SLC25A13: variants seen among roughly 807,000 people sequenced by gnomAD.
The protein encoded by SLC25A13 is electrogenic aspartate/glutamate antiporter SLC25A13, mitochondrial.
A neutral mutation model predicts 85.5 loss-of-function variants in SLC25A13; 70 were observed. That is an observed-to-expected ratio of 0.82 (90% confidence interval 0.68 to 1.00). The LOEUF is 1.00. Ranked by LOEUF, SLC25A13 falls within the 50% of genes least tolerant of loss-of-function variation. SLC25A13 has a pLI of 0.00. For missense variants in SLC25A13, 765 were observed against 819.8 expected, an observed-to-expected ratio of 0.93 and a Z score of 0.82; for synonymous variants, 259 against 288.7, an observed-to-expected ratio of 0.90 and a Z score of 1.04.
intron 2 of SLC25A13, among the ~76,000 whole-genome samples, chr7:96,277,882 A>C (rs979530782): frequency 1.3e-5 from 2 of 152,042 alleles, no homozygotes; most frequent in African/African-American, 4.8e-5. Flanking sequence ...AAGAGCATCA[A>C]TGATACAAGA....
intron 1 of SLC25A13, among the ~76,000 whole-genome samples, chr7:96,314,913 G>C (rs965674270): frequency 2.0e-5 from 3 of 152,122 alleles, no homozygotes; most frequent in Non-Finnish European, 4.4e-5. Context: ...ACCTAAGCCA[G>C]GGAACACTGG....
At chr7:96,320,806 C>T (rs571065626) in intron 1 of SLC25A13, among the ~76,000 whole-genome samples, 2 of 152,150 alleles carry the variant, frequency 1.3e-5, no homozygotes, top group African/African-American at 2.4e-5. Context: ...AGTCATAGAA[C>T]AGCATTTAAA....
intron 6 of SLC25A13, 119 bp from the exon 7 acceptor site, chr7:96,191,366 T>C (rs1794843289): frequency 9.4e-7 from 1 of 1,061,960 alleles, no homozygotes; most frequent in Non-Finnish European, 1.4e-6. Context: ...CAAGAAGAAA[T>C]GACTATAAGT....
chr7:96,266,501 T>C (rs1323443836), intron 3 of SLC25A13, among the ~76,000 whole-genome samples: 4 of 152,024 alleles, frequency 2.6e-5, no homozygotes, highest in South Asian at 2.1e-4. Flanking sequence ...AAGGCTTGGA[T>C]TGGTAAGCAA....
chr7:96,304,901 T>C (rs1015758367), intron 1 of SLC25A13, among the ~76,000 whole-genome samples: 4 of 152,212 alleles, frequency 2.6e-5, no homozygotes, highest in African/African-American at 9.6e-5. Flanking sequence ...ATACATGCTA[T>C]CATAAGGCAG....
intron 14 of SLC25A13, among the ~76,000 whole-genome samples, chr7:96,143,595 G>A (rs534935358): frequency 6.6e-6 from 1 of 152,180 alleles, no homozygotes; most frequent in African/African-American, 2.4e-5. Flanking sequence ...TATTTACATT[G>A]TTTACTATAT....
intron 15 of SLC25A13, among the ~76,000 whole-genome samples, 183 bp from the exon 16 acceptor site, chr7:96,122,180 A>G (rs1290565227): frequency 6.6e-6 from 1 of 151,564 alleles, no homozygotes; most frequent in Non-Finnish European, 1.5e-5. Flanking sequence ...CTGCTCCTAC[A>G]CCCCTCCCCA....
chr7:96,148,545 C>T (rs1339242672), intron 13 of SLC25A13, among the ~76,000 whole-genome samples: 1 of 152,054 alleles, frequency 6.6e-6, no homozygotes, highest in Non-Finnish European at 1.5e-5. Flanking sequence ...TGTTTCTGAA[C>T]CAGAACTCTT....
At chr7:96,289,317 GC>G (rs1799020164) in intron 2 of SLC25A13, among the ~76,000 whole-genome samples, 1 of 152,186 alleles carries the variant, frequency 6.6e-6, no homozygotes, top group African/African-American at 2.4e-5. Context: ...AAAAAACAGA[GC>G]AGAAAAGCTG....
intron 2 of SLC25A13, chr7:96,283,491 G>A (rs1040089809): frequency 4.8e-6 from 2 of 419,956 alleles, no homozygotes; most frequent in African/African-American, 2.0e-5. Flanking sequence ...TTAAGGGAAT[G>A]AGTACTGTTC....
At chr7:96,293,392 C>A (rs1019484225) in intron 2 of SLC25A13, among the ~76,000 whole-genome samples, 2 of 152,150 alleles carry the variant, frequency 1.3e-5, no homozygotes, top group African/African-American at 4.8e-5. Flanking sequence ...GTCTAAAACA[C>A]CAAAAGCAAT....
chr7:96,133,154 G>GTCA (rs1792107387), intron 14 of SLC25A13, among the ~76,000 whole-genome samples: 2 of 152,168 alleles, frequency 1.3e-5, no homozygotes, highest in Non-Finnish European at 2.9e-5. Flanking sequence ...TCTGGATTCT[G>GTCA]TCATGTTGGC....
At chr7:96,255,279 A>G (rs1462191079) in intron 3 of SLC25A13, among the ~76,000 whole-genome samples, 4 of 152,254 alleles carry the variant, frequency 2.6e-5, no homozygotes, top group Admixed American at 2.0e-4. Context: ...ATTTTCAATG[A>G]AAGAGCGGAG....
intron 15 of SLC25A13, among the ~76,000 whole-genome samples, chr7:96,126,366 T>C (rs1198151784): frequency 1.3e-5 from 2 of 152,184 alleles, no homozygotes; most frequent in Non-Finnish European, 2.9e-5. Flanking sequence ...TTACCTTAAG[T>C]CCTGCCCTAC....
At chr7:96,229,447 G>T (rs1250205636) in intron 4 of SLC25A13, among the ~76,000 whole-genome samples, 1 of 152,106 alleles carries the variant, frequency 6.6e-6, no homozygotes, top group Non-Finnish European at 1.5e-5. Flanking sequence ...GGGTGGGGCA[G>T]ATAAGGGAAT....
chr7:96,214,783 A>G (rs1795827114), intron 4 of SLC25A13, among the ~76,000 whole-genome samples: 1 of 152,130 alleles, frequency 6.6e-6, no homozygotes, highest in South Asian at 2.1e-4. Flanking sequence ...TAGCCTCAAA[A>G]ACAATAAAAT....
At position 96,180,091 on chromosome 7, in the gene SLC25A13, C is replaced by A. The variant is rs537309143; in HGVS notation, c.1177+4186G>T. ...GAGAACATTCCAGGATGGAAGATGA[C>A]TGCTTTGCACTACACAGACAACTTG... is the stretch of plus-strand genomic sequence containing the variant. On this transcript the variant is annotated intron_variant, in intron 11 of 17. Transcript: ENST00000265631. Among the ~76,000 whole-genome samples the A allele has an allele frequency of 3.9e-5, 6 of 152,312 alleles. No individual in the cohort carries two copies. The South Asian group carries it at 1.2e-3, about 32-fold the overall frequency.
At chr7:96,130,215 G>T (rs1490584462) in intron 15 of SLC25A13, among the ~76,000 whole-genome samples, 2 of 152,104 alleles carry the variant, frequency 1.3e-5, no homozygotes, top group African/African-American at 4.8e-5. Flanking sequence ...GTTAAAGATG[G>T]TATTTTTATG....
At chr7:96,134,782 T>C (rs1481802454) in intron 14 of SLC25A13, among the ~76,000 whole-genome samples, 1 of 145,202 alleles carries the variant, frequency 6.9e-6, no homozygotes, top group African/African-American at 2.6e-5. Context: ...AAACCAAACA[T>C]ACAAACAATT....
Sources: gnomAD v4.1 joint callset for allele counts (sites outside exome capture counted in the v4.1 genomes callset) on GRCh38, gnomAD v4.1.1 for gene constraint, MANE v1.5 for transcripts, NCBI Gene and HGNC (gene_info 2026-07-23, HGNC 2026-07-21) for gene names.